Variants in MRPS6 observed in about 807,000 individuals in gnomAD.
The protein encoded by MRPS6 is mitochondrial ribosomal protein S6.
MRPS6 carries 6 observed loss-of-function variants against 13.1 expected under a neutral mutation model. That is an observed-to-expected ratio of 0.46 (90% confidence interval 0.25 to 0.91). The LOEUF is 0.91. Ranked by LOEUF, MRPS6 falls within the 40% of genes least tolerant of loss-of-function variation. The pLI is 0.18. For missense variants in MRPS6, 164 were observed against 155.6 expected, an observed-to-expected ratio of 1.05 and a Z score of -0.29; for synonymous variants, 61 against 56.5, an observed-to-expected ratio of 1.08 and a Z score of -0.36.
chr21:34,116,335 T>A (rs979278643), intron 1 of MRPS6, among the ~76,000 whole-genome samples: 46 of 150,510 alleles, frequency 3.1e-4, no homozygotes, highest in East Asian at 5.8e-4. Flanking sequence ...TTTTTTTTTT[T>A]AATTTCTATA....
intron 2 of MRPS6, among the ~76,000 whole-genome samples, chr21:34,140,468 A>T (rs1980871684): frequency 6.6e-6 from 1 of 152,208 alleles, no homozygotes; most frequent in Non-Finnish European, 1.5e-5. Flanking sequence ...TTTATGTTAT[A>T]TGGCCCAGAA....
intron 1 of MRPS6, among the ~76,000 whole-genome samples, chr21:34,091,382 T>G (rs922107192): frequency 1.3e-5 from 2 of 152,126 alleles, no homozygotes; most frequent in Non-Finnish European, 2.9e-5. Context: ...TTTGATAGAG[T>G]GCCCATATAT....
intron 1 of MRPS6, among the ~76,000 whole-genome samples, chr21:34,079,554 G>A (rs1335108397): frequency 1.4e-5 from 2 of 147,844 alleles, no homozygotes; most frequent in Non-Finnish European, 3.0e-5. Flanking sequence ...TCATGTCTCA[G>A]CCTCCCAAGT....
At chr21:34,091,057 A>G (rs1377434115) in intron 1 of MRPS6, among the ~76,000 whole-genome samples, 1 of 152,182 alleles carries the variant, frequency 6.6e-6, no homozygotes, top group African/African-American at 2.4e-5. Flanking sequence ...TGTGTGTTCT[A>G]TAACCCTTCA....
At chr21:34,134,938 G>T (rs1446151849) in intron 2 of MRPS6, among the ~76,000 whole-genome samples, 1 of 152,222 alleles carries the variant, frequency 6.6e-6, no homozygotes, top group Non-Finnish European at 1.5e-5. Flanking sequence ...TGTATTAAAT[G>T]CGTTTTCAAC....
intron 1 of MRPS6, chr21:34,098,448 A>G: frequency 8.0e-6 from 8 of 999,960 alleles, no homozygotes; most frequent in African/African-American, 1.7e-5. Flanking sequence ...TGCATCCTTG[A>G]TAAGTTTTTC....
At chr21:34,139,630 T>C (rs1029701185) in intron 2 of MRPS6, among the ~76,000 whole-genome samples, 1 of 152,174 alleles carries the variant, frequency 6.6e-6, no homozygotes, top group African/African-American at 2.4e-5. Context: ...CAGGCTGGAA[T>C]GCAGTGATAC....
intron 1 of MRPS6, chr21:34,097,154 T>C (rs766347111): frequency 6.2e-6 from 10 of 1,613,798 alleles, no homozygotes; most frequent in Non-Finnish European, 8.5e-6. Flanking sequence ...ATGATGGAGG[T>C]CGGTACTGGA....
chr21:34,090,936 A>G (rs999630580), intron 1 of MRPS6, among the ~76,000 whole-genome samples: 12 of 152,156 alleles, frequency 7.9e-5, no homozygotes, highest in African/African-American at 2.9e-4. Context: ...GAATCATGAA[A>G]TCTGTCTGTT....
intron 2 of MRPS6, among the ~76,000 whole-genome samples, chr21:34,141,890 G>A (rs923960020): frequency 2.0e-5 from 3 of 152,102 alleles, no homozygotes; most frequent in East Asian, 1.9e-4. Context: ...TTCCTTGTCC[G>A]TATTGAACAT....
chr21:34,098,351 C>T, intron 1 of MRPS6: 1 of 1,000,170 alleles, frequency 1.0e-6, no homozygotes. Flanking sequence ...TTGACGCTGC[C>T]TTTGTGTGCT....
chr21:34,110,256 G>A (rs1979642736), intron 1 of MRPS6, among the ~76,000 whole-genome samples: 1 of 152,156 alleles, frequency 6.6e-6, no homozygotes, highest in South Asian at 2.1e-4. Context: ...TTGAGCCCAG[G>A]AGTTCGAGAC....
intron 1 of MRPS6, 42 bp downstream of exon 1, chr21:34,073,787 C>A (rs748222180): frequency 4.2e-6 from 6 of 1,418,028 alleles, no homozygotes; most frequent in African/African-American, 1.5e-5. Flanking sequence ...CGCGCGGGCG[C>A]CCCCGCTGCC....
chr21:34,077,647 TAAAAC>T (rs1357384551), intron 1 of MRPS6, among the ~76,000 whole-genome samples: 4 of 152,346 alleles, frequency 2.6e-5, no homozygotes, highest in East Asian at 1.9e-4. Context: ...AAGTTCTTAT[TAAAAC>T]AAACAGTAAT....
intron 2 of MRPS6, among the ~76,000 whole-genome samples, chr21:34,132,361 C>T (rs1299860080): frequency 5.3e-5 from 8 of 152,204 alleles, no homozygotes; most frequent in Admixed American, 6.5e-5. Flanking sequence ...ACATCAGCCC[C>T]GGGCGCATAG....
intron 1 of MRPS6, chr21:34,101,664 G>A: frequency 3.0e-6 from 3 of 1,000,056 alleles, no homozygotes; most frequent in Non-Finnish European, 3.6e-6. Flanking sequence ...TCACTTTAAG[G>A]CATATTGGCA....
chr21:34,085,555 A>C (rs112967884), intron 1 of MRPS6, among the ~76,000 whole-genome samples: 1,741 of 151,652 alleles, frequency 0.011, 37 homozygotes, highest in South Asian at 0.081. Flanking sequence ...GCAAACTTAG[A>C]TATATCATTT....
intron 1 of MRPS6, among the ~76,000 whole-genome samples, chr21:34,080,421 A>G (rs1989432645): frequency 6.6e-6 from 1 of 152,108 alleles, no homozygotes; most frequent in South Asian, 2.1e-4. Flanking sequence ...ATTCTTATAA[A>G]TACCATTACC....
intron 2 of MRPS6, among the ~76,000 whole-genome samples, chr21:34,129,927 AAAG>A (rs1263303159): frequency 6.6e-6 from 1 of 152,216 alleles, no homozygotes; most frequent in Non-Finnish European, 1.5e-5. Context: ...ACAGATATAA[AAAG>A]AAATGGGGCT....
Sources: allele counts gnomAD v4.1 joint callset (sites outside exome capture counted in the v4.1 genomes callset), GRCh38; gene constraint gnomAD v4.1.1; transcripts MANE v1.5; gene names NCBI Gene and HGNC (gene_info 2026-07-23, HGNC 2026-07-21).